NEK1: variants seen among roughly 807,000 people sequenced by gnomAD.
NEK1 encodes the protein serine/threonine-protein kinase Nek1.
NEK1 carries 137 observed loss-of-function variants against 182.1 expected under a neutral mutation model. That is an observed-to-expected ratio of 0.75 (90% CI 0.65 to 0.87). The LOEUF is 0.87. Among genes scored for constraint, NEK1 ranks in the 40% least tolerant of loss-of-function variants. The pLI is 0.00. For synonymous variants in NEK1, 513 were observed against 492.2 expected (o/e 1.04, Z -0.56); for missense variants, 1,391 against 1,494.4 (o/e 0.93, Z 1.14).
chr4:169,597,425 G>A (rs1007917764), intron 5 of NEK1, among the ~76,000 whole-genome samples: 3 of 151,870 alleles, frequency 2.0e-5, no homozygotes, highest in South Asian at 2.1e-4. Flanking sequence ...AACAGCCTGG[G>A]CAATATAGCA....
intron 23 of NEK1, among the ~76,000 whole-genome samples, chr4:169,491,315 A>G (rs1429901509): frequency 6.6e-6 from 1 of 152,108 alleles, no homozygotes; most frequent in Non-Finnish European, 1.5e-5. Context: ...GGCACTTTAT[A>G]ATTTAAAACA....
chr4:169,601,273 C>CAATTATCTT (rs1770449924), intron 4 of NEK1, among the ~76,000 whole-genome samples: 1 of 152,112 alleles, frequency 6.6e-6, no homozygotes, highest in Admixed American at 6.5e-5. Flanking sequence ...TGAGTCATTT[C>CAATTATCTT]AATTATCTTC....
At chr4:169,611,598 C>A (rs1295671860) in intron 2 of NEK1, among the ~76,000 whole-genome samples, 1 of 152,174 alleles carries the variant, frequency 6.6e-6, no homozygotes, top group Non-Finnish European at 1.5e-5. Context: ...ATGATAAACT[C>A]TTAAAGTAGT....
intron 10 of NEK1, among the ~76,000 whole-genome samples, chr4:169,583,475 T>A (rs1476213888): frequency 6.6e-6 from 1 of 152,230 alleles, no homozygotes; most frequent in Non-Finnish European, 1.5e-5. Flanking sequence ...TCTATGTATA[T>A]AATAAACACA....
intron 28 of NEK1, among the ~76,000 whole-genome samples, chr4:169,435,498 G>T (rs1166327230): frequency 6.6e-6 from 1 of 152,008 alleles, no homozygotes; most frequent in South Asian, 2.1e-4. Context: ...CATTTTGCAG[G>T]GTTTCTGGTT....
intron 26 of NEK1, among the ~76,000 whole-genome samples, chr4:169,472,793 T>C (rs1746250674): frequency 6.6e-6 from 1 of 152,200 alleles, no homozygotes; most frequent in Non-Finnish European, 1.5e-5. Flanking sequence ...CATGTATAAA[T>C]TACATGCTAC....
chr4:169,541,385 A>G (rs1759384481), intron 18 of NEK1, among the ~76,000 whole-genome samples: 1 of 152,172 alleles, frequency 6.6e-6, no homozygotes, highest in Non-Finnish European at 1.5e-5. Context: ...GCTTGAGCTT[A>G]TAATATTAAA....
rs1027427514 is a variant in NEK1, at chr4:169,602,661, T to C, written c.-31A>G. 1.1e-5 allele frequency: 13 copies of C among 1,153,036 alleles called. No individual in the cohort carries two copies. Among genetic ancestry groups the C allele is most frequent in the Non-Finnish European group, 1.7e-5 (13 of 775,706 alleles). 71.4% of individuals were successfully genotyped at this position (1,153,036 alleles called of 1,614,324 possible). On this transcript the variant is annotated 5_prime_UTR_variant, in exon 3 of 36. Transcript: ENST00000507142. ...TTTTTCTAAGGCATCTTTACAGATATGCTAGACATTTAAAAAACTAACAAA... is the reference window on the plus strand; with the variant it reads ...TTTTTCTAAGGCATCTTTACAGATACGCTAGACATTTAAAAAACTAACAAA...
intron 16 of NEK1, among the ~76,000 whole-genome samples, chr4:169,558,736 T>A (rs796913567): frequency 3.3e-5 from 5 of 152,254 alleles, no homozygotes; most frequent in African/African-American, 1.2e-4. Context: ...AAAGACACAT[T>A]AAAAATGGAT....
chr4:169,476,664 C>A (rs1303254663), intron 26 of NEK1, among the ~76,000 whole-genome samples: 1 of 152,030 alleles, frequency 6.6e-6, no homozygotes, highest in Non-Finnish European at 1.5e-5. Flanking sequence ...ATCTCCAATT[C>A]CTAGAACAAT....
At chr4:169,543,551 C>T (rs1759829121) in intron 18 of NEK1, among the ~76,000 whole-genome samples, 1 of 152,280 alleles carries the variant, frequency 6.6e-6, no homozygotes, top group South Asian at 2.1e-4. Flanking sequence ...ATGGGGATAG[C>T]ATTGAATCTA....
At chr4:169,555,514 C>T (rs1405342848) in intron 18 of NEK1, 27 of 565,056 alleles carry the variant, frequency 4.8e-5, no homozygotes, top group Non-Finnish European at 7.2e-5. Flanking sequence ...AAACAAGACA[C>T]AAAAATCAGG....
chr4:169,465,325 C>CA (rs1744723269), intron 26 of NEK1, among the ~76,000 whole-genome samples: 1 of 152,048 alleles, frequency 6.6e-6, no homozygotes, highest in Non-Finnish European at 1.5e-5. Context: ...CTGTCCCCCC[C>CA]ACCACTGGAA....
chr4:169,514,977 A>C (rs945214927), intron 19 of NEK1, among the ~76,000 whole-genome samples: 5 of 152,106 alleles, frequency 3.3e-5, no homozygotes, highest in African/African-American at 1.2e-4. Flanking sequence ...AGTGCTATAA[A>C]TTTCCCTCAC....
At chr4:169,521,690 G>T (rs1580433073) in intron 19 of NEK1, among the ~76,000 whole-genome samples, 1 of 152,138 alleles carries the variant, frequency 6.6e-6, no homozygotes, top group East Asian at 1.9e-4. Flanking sequence ...GACAGTTTTG[G>T]TCAGATATAG....
intron 6 of NEK1, among the ~76,000 whole-genome samples, chr4:169,589,943 A>C (rs1374251106): frequency 2.0e-5 from 3 of 152,312 alleles, no homozygotes; most frequent in African/African-American, 4.8e-5. Flanking sequence ...TTGAGAAAAA[A>C]CTTTTATCAA....
chr4:169,539,431 T>C lies in NEK1; in HGVS notation c.1563-1520A>G, dbSNP rs75191311. ...ATGTGATGCTCTGACATGAGATTAATAAGGTATATCTGGTCAGAATGCAAC... is the reference window on the plus strand; with the variant it reads ...ATGTGATGCTCTGACATGAGATTAACAAGGTATATCTGGTCAGAATGCAAC... On this transcript the variant is annotated intron_variant, in intron 18 of 35. Transcript: ENST00000507142. Among the ~76,000 whole-genome samples, 718 of 152,282 alleles carry C rather than the reference T, an allele frequency of 4.7e-3. 3 individuals are homozygous for C. The highest frequency in any genetic ancestry group is 0.016 in the African/African-American group (662 of 41,560).
chr4:169,457,726 G>T (rs1488503416), intron 27 of NEK1, among the ~76,000 whole-genome samples: 2 of 114,216 alleles, frequency 1.8e-5, no homozygotes, highest in Non-Finnish European at 3.4e-5. Context: ...GAGAGGGAGG[G>T]AAGAGGAGGA....
chr4:169,403,384 ATAGCGAGACCCCTC>A (rs1216773087), intron 32 of NEK1, among the ~76,000 whole-genome samples: 1 of 152,060 alleles, frequency 6.6e-6, no homozygotes, highest in East Asian at 1.9e-4. Context: ...CCTGGGCAAC[ATAGCGAGACCCCTC>A]TAGAAAAAAA....
Sources: gnomAD v4.1 joint callset for allele counts (sites outside exome capture counted in the v4.1 genomes callset) on GRCh38, gnomAD v4.1.1 for gene constraint, MANE v1.5 for transcripts, NCBI Gene and HGNC (gene_info 2026-07-23, HGNC 2026-07-21) for gene names.